FAM120C: variants seen among roughly 807,000 people sequenced by gnomAD.
FAM120C encodes the protein constitutive coactivator of PPAR-gamma-like protein 2.
A neutral mutation model predicts 71.2 loss-of-function variants in FAM120C; 14 were observed. The observed-to-expected ratio is 0.20, with a 90% CI of 0.13 to 0.31. The LOEUF is 0.31. Among genes scored for constraint, FAM120C ranks in the 10% least tolerant of loss-of-function variants. FAM120C has a pLI of 1.00. For missense variants in FAM120C, 500 were observed against 879.0 expected (o/e 0.57, Z 5.45); for synonymous variants, 354 against 353.2 (o/e 1.00, Z -0.03).
At chrX:54,076,270 C>T (rs2066735326) in intron 15 of FAM120C, among the ~76,000 whole-genome samples, 2 of 106,778 alleles carry the variant, frequency 1.9e-5, no homozygotes, top group African/African-American at 3.4e-5. Context: ...ACCCAGGAGG[C>T]GGAGGTTGCA....
intron 10 of FAM120C, among the ~76,000 whole-genome samples, chrX:54,098,285 C>T (rs1294340183): frequency 9.0e-6 from 1 of 110,652 alleles, no homozygotes; most frequent in Non-Finnish European, 1.9e-5. Context: ...AGGTGATCCA[C>T]CCACCTCGGC....
intron 1 of FAM120C, chrX:54,174,059 A>G (rs2067303093): frequency 7.9e-6 from 4 of 507,958 alleles, no homozygotes. Flanking sequence ...TGAGGGCCTC[A>G]GTTCCTCACT....
chrX:54,087,295 G>T (rs782181132), intron 12 of FAM120C, among the ~76,000 whole-genome samples: 17 of 68,973 alleles, frequency 2.5e-4, no homozygotes, highest in Middle Eastern at 7.2e-3. Context: ...CCTGGCGACA[G>T]AGCAAGACTC....
chrX:54,146,314 TAAATA>T (rs1364325576), intron 4 of FAM120C, among the ~76,000 whole-genome samples: 2 of 110,555 alleles, frequency 1.8e-5, no homozygotes, highest in Non-Finnish European at 3.8e-5. Context: ...AATAAAAAAA[TAAATA>T]AAATTAAATT....
chrX:54,132,906 C>T, intron 8 of FAM120C, 43 bp from the exon 9 acceptor site: 1 of 1,106,565 alleles, frequency 9.0e-7, no homozygotes, highest in African/African-American at 1.8e-5. Context: ...AATGAGTTAC[C>T]TCAAGGTTTA....
intron 7 of FAM120C, among the ~76,000 whole-genome samples, chrX:54,134,504 T>G (rs1383172527): frequency 9.0e-6 from 1 of 111,459 alleles, no homozygotes; most frequent in East Asian, 2.8e-4. Context: ...ACTCTATAAA[T>G]GCTTTTCTTT....
At chrX:54,113,004 G>C (rs899628754) in intron 10 of FAM120C, among the ~76,000 whole-genome samples, 1 of 107,899 alleles carries the variant, frequency 9.3e-6, no homozygotes, top group South Asian at 4.1e-4. Context: ...TGGGCAACAA[G>C]AGCAAAACTC....
chrX:54,117,243 C>T (rs1410710094), intron 9 of FAM120C, among the ~76,000 whole-genome samples: 1 of 106,846 alleles, frequency 9.4e-6, no homozygotes, highest in Non-Finnish European at 1.9e-5. Context: ...CTGCCAGCGA[C>T]TTGGAAGGCT....
chrX:54,116,343 A>T (rs1308243023), intron 10 of FAM120C, among the ~76,000 whole-genome samples: 4 of 111,557 alleles, frequency 3.6e-5, no homozygotes, highest in African/African-American at 6.5e-5. Context: ...AATATAAAAG[A>T]GGAGTCATGC....
At chrX:54,106,708 G>GA (rs1230408130) in intron 10 of FAM120C, among the ~76,000 whole-genome samples, 8 of 108,836 alleles carry the variant, frequency 7.4e-5, no homozygotes, top group Admixed American at 3.0e-4. Flanking sequence ...AAATTTATAA[G>GA]AAAAAAAAAC....
At chrX:54,090,589 A>G (rs1557122523) in intron 11 of FAM120C, among the ~76,000 whole-genome samples, 1 of 110,503 alleles carries the variant, frequency 9.0e-6, no homozygotes, top group Non-Finnish European at 1.9e-5. Context: ...CTCACCTTCT[A>G]TCATGAGTAG....
rs1275074857 is a variant in FAM120C at position 54,149,768 on chromosome X, T to C, written c.1158+1477A>G. Among the ~76,000 whole-genome samples the C allele has an allele frequency of 2.7e-5, 3 of 111,752 alleles. No homozygotes were observed. In the East Asian group the frequency reaches 8.4e-4, roughly 31 times the overall value. The stretch of plus-strand genomic sequence containing the variant: ...AGGTTTGGGTGTTATTACAAAGGGA[T>C]AGCATGTTTTTTGGGGTAGTACAAC... On this transcript the variant is annotated intron_variant, in intron 4 of 15. Transcript: ENST00000375180.
chrX:54,070,774 T>G lies in FAM120C; in HGVS notation c.*2259A>C, dbSNP rs1395524170. ...TTTTTCTATACTTTGTTTCTACTTC[T>G]GTCTGGTTAGATGTACACTCTTGTC... On this transcript the variant is annotated 3_prime_UTR_variant, in exon 16 of 16. Transcript: ENST00000375180. 8.9e-6 allele frequency: 1 copy of G among 112,096 alleles called. No individual in the cohort carries two copies. The highest frequency in any genetic ancestry group is 1.9e-5 in the Non-Finnish European group (1 of 53,221). The allele number at this position is 112,096 out of a possible 1,213,427, so 9.2% of individuals were successfully genotyped here.
chrX:54,083,216 A>C (rs2066775723), intron 13 of FAM120C, among the ~76,000 whole-genome samples: 1 of 110,958 alleles, frequency 9.0e-6, no homozygotes, highest in Non-Finnish European at 1.9e-5. Flanking sequence ...ATAAGCCTTC[A>C]TAGAATATGG....
At chrX:54,153,265 A>G (rs2067192497) in intron 3 of FAM120C, among the ~76,000 whole-genome samples, 1 of 111,025 alleles carries the variant, frequency 9.0e-6, no homozygotes, top group African/African-American at 3.3e-5. Context: ...GGGGAAAAGT[A>G]TTCCAAGTAG....
Position 54,116,736 on chromosome X carries a change from A to C in FAM120C, c.2121T>G (p.Pro707=). 8.3e-7 allele frequency: 1 copy of C among 1,211,409 alleles called. No individual in the cohort carries two copies. The highest frequency in any genetic ancestry group is 1.1e-6 in the Non-Finnish European group (1 of 895,298). ...SAYKGKSPQT[P]ELVSALTFRE... ...GAAATGTCAGTGCAGACACCAGCTC[A>C]GGGGTTTGAGGTGACTTCCCTTTAT... Residue 707 remains proline, a synonymous_variant, in exon 10 of 16, where the codon CCT becomes CCG. Transcript: ENST00000375180.
At chrX:54,132,335 G>A (rs782093894) in intron 9 of FAM120C, among the ~76,000 whole-genome samples, 7 of 110,885 alleles carry the variant, frequency 6.3e-5, no homozygotes, top group Non-Finnish European at 1.3e-4. Flanking sequence ...TTACAGGCAT[G>A]AGGCACAGCA....
chrX:54,094,598 A>T (rs782539071), intron 10 of FAM120C, among the ~76,000 whole-genome samples: 1 of 109,235 alleles, frequency 9.2e-6, no homozygotes, highest in Admixed American at 9.8e-5. Context: ...ACAAAAAATT[A>T]TCAAAAATTA....
intron 9 of FAM120C, among the ~76,000 whole-genome samples, chrX:54,118,377 T>C (rs1231142594): frequency 1.8e-5 from 2 of 111,471 alleles, no homozygotes; most frequent in Non-Finnish European, 3.8e-5. Context: ...CATTGAAGCA[T>C]ATCTGGGTTG....
Sources: allele counts gnomAD v4.1 joint callset (sites outside exome capture counted in the v4.1 genomes callset), GRCh38; gene constraint gnomAD v4.1.1; transcripts MANE v1.5; gene names NCBI Gene and HGNC (gene_info 2026-07-23, HGNC 2026-07-21).